Variants in DNAAF4 observed in about 807,000 individuals in gnomAD.
DNAAF4 encodes the protein dynein assembly factor 4, axonemal.
Under a neutral mutation model 51.8 loss-of-function variants are expected in DNAAF4, and 43 were observed. That is an observed-to-expected ratio of 0.83 (90% CI 0.65 to 1.07). The LOEUF (loss-of-function observed/expected upper bound fraction) is 1.07, where lower values mean the gene tolerates loss of function less well. DNAAF4 is among the 50% of genes least tolerant of loss of function. The pLI is 0.00. For synonymous variants in DNAAF4, 194 were observed against 165.6 expected (o/e 1.17, Z -1.32); for missense variants, 581 against 493.0 (o/e 1.18, Z -1.69).
At chr15:55,456,646 T>C (rs1193478337) in intron 5 of DNAAF4, among the ~76,000 whole-genome samples, 1 of 152,090 alleles carries the variant, frequency 6.6e-6, no homozygotes, top group Admixed American at 6.6e-5. Context: ...AAAGAAGTGG[T>C]TCGCTGCTGC....
At chr15:55,453,504 G>C (rs140164632) in intron 5 of DNAAF4, among the ~76,000 whole-genome samples, 9 of 144,630 alleles carry the variant, frequency 6.2e-5, no homozygotes, top group African/African-American at 2.3e-4. Flanking sequence ...TGAAAACTAA[G>C]AAGCTAGTGA....
At chr15:55,456,158 C>T (rs1393000041) in intron 5 of DNAAF4, among the ~76,000 whole-genome samples, 2 of 151,398 alleles carry the variant, frequency 1.3e-5, no homozygotes, top group South Asian at 2.1e-4. Context: ...CGCTTCACTG[C>T]AACCTCCACC....
At chr15:55,500,119 TA>T (rs1458154913) in intron 1 of DNAAF4, among the ~76,000 whole-genome samples, 1 of 152,186 alleles carries the variant, frequency 6.6e-6, no homozygotes, top group Non-Finnish European at 1.5e-5. Flanking sequence ...CCCTGGATTT[TA>T]AACTTATTTA....
intron 5 of DNAAF4, among the ~76,000 whole-genome samples, chr15:55,455,468 GT>G (rs2058006261): frequency 6.7e-6 from 1 of 149,492 alleles, no homozygotes; most frequent in Non-Finnish European, 1.5e-5. Context: ...GTCTCACTCT[GT>G]CACCCACACT....
chr15:55,427,055 TTTTTG>T (rs1321698723), downstream of DNAAF4, among the ~76,000 whole-genome samples: 4 of 149,858 alleles, frequency 2.7e-5, no homozygotes, highest in Middle Eastern at 3.4e-3. Context: ...GACCAGAGTT[TTTTTG>T]TTTTTTTTTG....
intron 8 of DNAAF4, among the ~76,000 whole-genome samples, chr15:55,433,933 T>TA (rs2057554526): frequency 2.3e-3 from 2 of 868 alleles, no homozygotes; most frequent in African/African-American, 3.0e-3. Context: ...TTATATTATA[T>TA]AAAATATATA....
chr15:55,501,313 C>T (rs969674510), intron 1 of DNAAF4, among the ~76,000 whole-genome samples: 2 of 150,974 alleles, frequency 1.3e-5, no homozygotes, highest in South Asian at 2.1e-4. Context: ...CCGCCCACCT[C>T]GGCCTCCCAA....
intron 4 of DNAAF4, among the ~76,000 whole-genome samples, chr15:55,487,135 T>C (rs777656646): frequency 6.6e-5 from 10 of 152,222 alleles, no homozygotes; most frequent in Non-Finnish European, 1.5e-5. Flanking sequence ...AGTGGGGACT[T>C]GGAGAACTTT....
chr15:55,434,538 T>C (rs930927178), intron 8 of DNAAF4, among the ~76,000 whole-genome samples: 1 of 152,104 alleles, frequency 6.6e-6, no homozygotes, highest in Admixed American at 6.6e-5. Context: ...ATTGTAGAGA[T>C]ATCTGGGCTG....
chr15:55,503,571 C>A (rs779383939), intron 1 of DNAAF4, among the ~76,000 whole-genome samples: 2 of 152,190 alleles, frequency 1.3e-5, no homozygotes, highest in Non-Finnish European at 2.9e-5. Context: ...GAAAGCTTAT[C>A]CACCACGATC....
chr15:55,455,493 G>A (rs542099988), intron 5 of DNAAF4, among the ~76,000 whole-genome samples: 4 of 151,056 alleles, frequency 2.6e-5, no homozygotes, highest in African/African-American at 4.9e-5. Flanking sequence ...ATGCAGTGGC[G>A]CGATCTTGGC....
chr15:55,465,377 A>T (rs2058153374), intron 5 of DNAAF4, among the ~76,000 whole-genome samples: 1 of 142,594 alleles, frequency 7.0e-6, no homozygotes, highest in South Asian at 2.3e-4. Flanking sequence ...AAGATAAAGA[A>T]AATATGGTGT....
In DNAAF4 at chr15:55,504,935, C is replaced by CTTTA. The variant is rs551103393; in HGVS notation, c.-256+3186_-256+3187insTAAA. 7.1e-3 allele frequency among the ~76,000 whole-genome samples: 1,084 copies of CTTTA among 152,226 alleles called. 6 individuals carry two copies. The highest frequency in any genetic ancestry group is 0.02 in the Middle Eastern group (6 of 294). The stretch of plus-strand genomic sequence containing the variant: ...AATTGACAAATGGGATCTAATTAAA[C>CTTTA]TAAAGAGCTTCTGCACAGCAAAAGA... On this transcript the variant is annotated intron_variant, in intron 1 of 9. Coordinates refer to ENST00000321149, the MANE Select transcript of DNAAF4 (RefSeq NM_130810.4).
At chr15:55,505,813 T>C (rs964823325) in intron 1 of DNAAF4, among the ~76,000 whole-genome samples, 2 of 152,134 alleles carry the variant, frequency 1.3e-5, no homozygotes, top group African/African-American at 2.4e-5. Flanking sequence ...AAATACCTAA[T>C]GTAAGTGACA....
chr15:55,469,969 G>A, intron 4 of DNAAF4, among the ~76,000 whole-genome samples: 1 of 152,026 alleles, frequency 6.6e-6, no homozygotes, highest in Non-Finnish European at 1.5e-5. Context: ...TATAAGTTGG[G>A]GGTTTCTACA....
At chr15:55,507,214 A>G (rs2058731726) in intron 1 of DNAAF4, among the ~76,000 whole-genome samples, 1 of 152,202 alleles carries the variant, frequency 6.6e-6, no homozygotes, top group Non-Finnish European at 1.5e-5. Context: ...GTATGTGGTA[A>G]AACTATACAA....
At position 55,461,058 on chromosome 15, in the gene DNAAF4, C is replaced by T. The variant is rs548678044; in HGVS notation, c.637+5872G>A. ...AGGATTACAGGCATGAGCCACTGCG[C>T]CCAGCCATCTCAATAATTTTTTTTT... is the stretch of plus-strand genomic sequence containing the variant. On this transcript the variant is annotated intron_variant, in intron 5 of 9. Coordinates refer to ENST00000321149, the MANE Select transcript of DNAAF4 (RefSeq NM_130810.4). 3.3e-5 allele frequency among the ~76,000 whole-genome samples: 5 copies of T among 151,886 alleles called. No homozygotes were observed. The East Asian group carries it at 7.8e-4, about 24-fold the overall frequency.
At chr15:55,458,523 C>G (rs1323394483) in intron 5 of DNAAF4, among the ~76,000 whole-genome samples, 1 of 152,060 alleles carries the variant, frequency 6.6e-6, no homozygotes, top group African/African-American at 2.4e-5. Context: ...TGAACAAAGC[C>G]TCCAAGAAAT....
chr15:55,422,978 C>T (rs2141382873), intron 7 of DNAAF4, among the ~76,000 whole-genome samples: 1 of 151,914 alleles, frequency 6.6e-6, no homozygotes, highest in East Asian at 1.9e-4. Context: ...GCCTGGGTGA[C>T]AAGCAAAACT....
Sources: allele counts gnomAD v4.1 joint callset (sites outside exome capture counted in the v4.1 genomes callset), GRCh38; gene constraint gnomAD v4.1.1; transcripts MANE v1.5; gene names NCBI Gene and HGNC (gene_info 2026-07-23, HGNC 2026-07-21).